Variants in SDK1 observed in about 807,000 individuals in gnomAD.
The protein encoded by SDK1 is sidekick cell adhesion molecule 1, also known as protein sidekick-1.
A neutral mutation model predicts 245.5 loss-of-function variants in SDK1; 157 were observed. The ratio of observed to expected loss-of-function variants is 0.64; its 90% CI spans 0.56 to 0.73. SDK1 has a LOEUF of 0.73. SDK1 is among the 30% of genes least tolerant of loss of function. The probability of loss-of-function intolerance (pLI) is 0.00; values close to 1 mark genes in which losing one functional copy is unlikely to be tolerated. For synonymous variants in SDK1, 1,647 were observed against 1,278.5 expected, an observed-to-expected ratio of 1.29 and a Z score of -6.15; for missense variants, 3,583 against 3,002.3, an observed-to-expected ratio of 1.19 and a Z score of -4.52.
chr7:3,922,325 C>T (rs534333924), intron 5 of SDK1, among the ~76,000 whole-genome samples: 4 of 152,318 alleles, frequency 2.6e-5, no homozygotes, highest in Non-Finnish European at 4.4e-5. Context: ...TGAGAGCTGA[C>T]CCTGGGCACC....
chr7:4,001,137 C>T (rs1449679970), intron 14 of SDK1, among the ~76,000 whole-genome samples: 3 of 152,182 alleles, frequency 2.0e-5, no homozygotes, highest in East Asian at 3.9e-4. Flanking sequence ...GGTGACCGCA[C>T]GGTGCGGAAT....
chr7:3,960,969 T>C (rs903355434), intron 8 of SDK1, among the ~76,000 whole-genome samples: 1 of 152,198 alleles, frequency 6.6e-6, no homozygotes, highest in Non-Finnish European at 1.5e-5. Context: ...TGCCCCAAAA[T>C]AGAAATACTC....
chr7:4,232,133 G>T (rs1785816309), intron 40 of SDK1, among the ~76,000 whole-genome samples: 1 of 145,312 alleles, frequency 6.9e-6, no homozygotes, highest in African/African-American at 2.6e-5. Context: ...GTGAGGCACT[G>T]TCCTAAGCAC....
chr7:3,695,956 C>G (rs553680540), intron 4 of SDK1, among the ~76,000 whole-genome samples: 2 of 152,278 alleles, frequency 1.3e-5, no homozygotes, highest in South Asian at 2.1e-4. Flanking sequence ...GAGTTGCTGA[C>G]GCTCATTGGC....
intron 5 of SDK1, among the ~76,000 whole-genome samples, chr7:3,900,812 C>T (rs1177451391): frequency 6.6e-6 from 1 of 152,070 alleles, no homozygotes; most frequent in African/African-American, 2.4e-5. Context: ...AGATTTGTTG[C>T]AGACATTCCT....
At chr7:3,971,138 CT>C (rs1782458744) in intron 11 of SDK1, among the ~76,000 whole-genome samples, 2 of 152,108 alleles carry the variant, frequency 1.3e-5, no homozygotes, top group Non-Finnish European at 2.9e-5. Flanking sequence ...TGATGGTCAT[CT>C]AGGGAGAGAA....
chr7:3,557,023 A>G (rs1233785177), intron 1 of SDK1, among the ~76,000 whole-genome samples: 1 of 141,276 alleles, frequency 7.1e-6, no homozygotes, highest in East Asian at 2.3e-4. Flanking sequence ...TCTCAAATCA[A>G]TAATCTAAGT....
intron 1 of SDK1, among the ~76,000 whole-genome samples, chr7:3,527,982 G>A (rs1212899028): frequency 1.3e-5 from 2 of 150,534 alleles, no homozygotes; most frequent in African/African-American, 4.9e-5. Flanking sequence ...TGGGAGGTGA[G>A]GCTGGGTGTC....
intron 1 of SDK1, among the ~76,000 whole-genome samples, chr7:3,343,086 AG>A (rs1780391829): frequency 6.6e-6 from 1 of 152,102 alleles, no homozygotes; most frequent in South Asian, 2.1e-4. Context: ...AAAATGGTAC[AG>A]CCACTCTAGA....
At chr7:4,052,811 C>T (rs1187152040) in intron 19 of SDK1, among the ~76,000 whole-genome samples, 1 of 151,974 alleles carries the variant, frequency 6.6e-6, no homozygotes, top group African/African-American at 2.4e-5. Context: ...ATAATTAGGG[C>T]CATGCAGTGG....
At position 3,883,855 on chromosome 7, in the gene SDK1, C is replaced by T. The variant is rs544612432; in HGVS notation, c.847+62272C>T. Among the ~76,000 whole-genome samples the T allele has an allele frequency of 3.9e-5, 6 of 152,252 alleles. 1 individual carries two copies. The highest frequency in any genetic ancestry group is 9.6e-5 in the African/African-American group (4 of 41,546). ...GGTATCTTAATTTTTCTGTCTCCAG[C>T]GTTTTCTCCTTCACTCAAACGTCCA... On this transcript the variant is annotated intron_variant, in intron 5 of 44. Coordinates refer to ENST00000404826, the MANE Select transcript of SDK1 (RefSeq NM_152744.4).
chr7:4,262,720 C>T (rs1788104914), intron 44 of SDK1, among the ~76,000 whole-genome samples: 1 of 136,112 alleles, frequency 7.3e-6, no homozygotes, highest in African/African-American at 2.8e-5. Context: ...TCCCCCATCC[C>T]CTCCCTTCTA....
At chr7:3,903,359 G>A (rs750934126) in intron 5 of SDK1, among the ~76,000 whole-genome samples, 1 of 152,002 alleles carries the variant, frequency 6.6e-6, no homozygotes, top group Non-Finnish European at 1.5e-5. Context: ...TAGCCAGGAT[G>A]GTCTCGATCA....
At chr7:4,074,907 TATATA>T (rs1385001732) in intron 20 of SDK1, among the ~76,000 whole-genome samples, 7 of 88,700 alleles carry the variant, frequency 7.9e-5, no homozygotes, top group African/African-American at 4.8e-4. Flanking sequence ...TATATATATA[TATATA>T]TATATTTTTT....
At chr7:3,301,978 T>G in intron 1 of SDK1, 94 bp downstream of exon 1, 2 of 954,656 alleles carry the variant, frequency 2.1e-6, no homozygotes, top group Non-Finnish European at 2.5e-6. Flanking sequence ...TCCCCCCGCT[T>G]CCCGGCCCGG....
intron 1 of SDK1, among the ~76,000 whole-genome samples, chr7:3,352,144 ATATATAT>A (rs1263490171): frequency 6.7e-6 from 1 of 149,168 alleles, no homozygotes; most frequent in Non-Finnish European, 1.5e-5. Context: ...AAATATATAA[ATATATAT>A]TTATAAAAGT....
chr7:3,317,011 C>T (rs1279302357), intron 1 of SDK1, among the ~76,000 whole-genome samples: 1 of 151,390 alleles, frequency 6.6e-6, no homozygotes, highest in Non-Finnish European at 1.5e-5. Flanking sequence ...AATACCCTGT[C>T]TCTACACAAC....
chr7:3,715,491 T>C (rs2115022969), intron 4 of SDK1, among the ~76,000 whole-genome samples: 1 of 152,188 alleles, frequency 6.6e-6, no homozygotes, highest in Non-Finnish European at 1.5e-5. Context: ...TTCTACCTGG[T>C]GATGCAGGGA....
Position 3,301,457 on chromosome 7 carries a change from TG to T in SDK1, c.-127del. 1 of 184,138 alleles carries T rather than the reference TG, an allele frequency of 5.4e-6. No individual in the cohort carries two copies. Among genetic ancestry groups the T allele is most frequent in the Non-Finnish European group, 9.8e-6 (1 of 101,610 alleles). 11.4% of individuals were successfully genotyped at this position (184,138 alleles called of 1,614,324 possible). ...GACCCAGGACGCCGCCCCTCAGCGC[TG>T]GGCGGCCGCTCACCTCGGGCCGGGG... On this transcript the variant is annotated 5_prime_UTR_variant, in exon 1 of 45. Coordinates refer to ENST00000404826, the MANE Select transcript of SDK1 (RefSeq NM_152744.4).
Sources: allele counts gnomAD v4.1 joint callset (sites outside exome capture counted in the v4.1 genomes callset), GRCh38; gene constraint gnomAD v4.1.1; transcripts MANE v1.5; gene names NCBI Gene and HGNC (gene_info 2026-07-23, HGNC 2026-07-21).